ZDHHC14: variants seen among roughly 807,000 people sequenced by gnomAD.
The protein encoded by ZDHHC14 is palmitoyltransferase ZDHHC14.
Under a neutral mutation model 47.7 loss-of-function variants are expected in ZDHHC14, and 16 were observed. That is an observed-to-expected ratio of 0.34 (90% CI 0.23 to 0.51). The LOEUF is 0.51. Among genes scored for constraint, ZDHHC14 ranks in the 20% least tolerant of loss-of-function variants. ZDHHC14 has a pLI of 0.97. For missense variants in ZDHHC14, 515 were observed against 662.5 expected (o/e 0.78, Z 2.44); for synonymous variants, 293 against 278.9 (o/e 1.05, Z -0.50).
intron 5 of ZDHHC14, among the ~76,000 whole-genome samples, chr6:157,640,873 C>T (rs1156249943): frequency 6.6e-6 from 1 of 152,250 alleles, no homozygotes; most frequent in Non-Finnish European, 1.5e-5. Flanking sequence ...TTTCTCTTGA[C>T]CCTTCCTCCG....
chr6:157,398,607 T>C (rs1777570388), intron 1 of ZDHHC14, among the ~76,000 whole-genome samples: 1 of 152,178 alleles, frequency 6.6e-6, no homozygotes, highest in Non-Finnish European at 1.5e-5. Flanking sequence ...CAAGATAGAA[T>C]AATGGGAGTA....
rs71027335 is a variant in ZDHHC14 at position 157,416,972 on chromosome 6, GTTTTTTTTTTTTT to G, written c.245+34723_245+34735del. Among the ~76,000 whole-genome samples the G allele has an allele frequency of 2.0e-4, 9 of 45,558 alleles. No homozygotes were observed. In the East Asian group the frequency reaches 3.5e-3, roughly 18 times the overall value. The allele number at this position is 45,558 out of a possible 152,430, so 29.9% of individuals were successfully genotyped here. Reference sequence around the variant, plus strand: ...AGGTGCCCGCCACCATGCCTGGCTAGTTTTTTTTTTTTTTTTTTTTTTTTTTTTTGTATTTTTA... The same window carrying G: ...AGGTGCCCGCCACCATGCCTGGCTAGTTTTTTTTTTTTTTTTGTATTTTTA... On this transcript the variant is annotated intron_variant, in intron 1 of 8. Transcript: ENST00000359775.
rs946535585 is a variant in ZDHHC14, at chr6:157,677,458, A to C, written c.*4336A>C. On this transcript the variant is annotated 3_prime_UTR_variant, in exon 9 of 9. Transcript: ENST00000359775. ...TAATAGAGCCAAGATGGATTTTCAC[A>C]TGTAAGGTGTTAGTCCATTAATCCA... 2.6e-5 allele frequency: 4 copies of C among 152,228 alleles called. No homozygotes were observed. Among genetic ancestry groups the C allele is most frequent in the Admixed American group, 6.5e-5 (1 of 15,294 alleles). 9.4% of individuals were successfully genotyped at this position (152,228 alleles called of 1,614,324 possible).
rs991728800 is a variant in ZDHHC14, at chr6:157,502,062, C to T, written c.246-40523C>T. 6.6e-6 allele frequency among the ~76,000 whole-genome samples: 1 copy of T among 152,116 alleles called. No homozygotes were observed. The highest frequency in any genetic ancestry group is 2.1e-4 in the South Asian group (1 of 4,826). On this transcript the variant is annotated intron_variant, in intron 1 of 8. Transcript: ENST00000359775. The surrounding 1 kb of genome is among the most constrained non-coding windows in gnomAD (Gnocchi z 4.0). ...CTTATGATGTATTCTCATAATCCACCCAACAGTCTTGAAGTGTTCTTCTTG... is the reference window on the plus strand; with the variant it reads ...CTTATGATGTATTCTCATAATCCACTCAACAGTCTTGAAGTGTTCTTCTTG...
chr6:157,477,932 T>A (rs569187580), intron 1 of ZDHHC14, among the ~76,000 whole-genome samples: 180 of 152,344 alleles, frequency 1.2e-3, no homozygotes, highest in Non-Finnish European at 2.1e-3. Flanking sequence ...AACTTTCTTT[T>A]GACATAGGTA....
chr6:157,666,257 A>G (rs1778551722), intron 8 of ZDHHC14, among the ~76,000 whole-genome samples: 1 of 152,194 alleles, frequency 6.6e-6, no homozygotes, highest in African/African-American at 2.4e-5. Flanking sequence ...AATTGCTACA[A>G]TTTTGTTTTT....
intron 5 of ZDHHC14, among the ~76,000 whole-genome samples, chr6:157,642,023 AAGATAGATAGAT>A (rs77223982): frequency 1.4e-3 from 208 of 146,728 alleles, no homozygotes; most frequent in African/African-American, 2.9e-3. Context: ...GTATATTTTG[AAGATAGATAGAT>A]AGATAGATAG....
At chr6:157,450,625 G>T (rs933237221) in intron 1 of ZDHHC14, among the ~76,000 whole-genome samples, 19 of 151,886 alleles carry the variant, frequency 1.3e-4, no homozygotes, top group African/African-American at 4.6e-4. Flanking sequence ...CCCGTAAATG[G>T]ATCAACCATT....
intron 3 of ZDHHC14, among the ~76,000 whole-genome samples, chr6:157,617,785 G>A: frequency 6.6e-6 from 1 of 152,176 alleles, no homozygotes; most frequent in East Asian, 1.9e-4. Context: ...AAAAGGCGGT[G>A]GGCAGACATC....
chr6:157,389,118 T>C lies in ZDHHC14; in HGVS notation c.245+6852T>C, dbSNP rs572662481. Among the ~76,000 whole-genome samples the C allele has an allele frequency of 2.7e-4, 41 of 151,642 alleles. No individual in the cohort carries two copies. In the South Asian group the frequency reaches 7.1e-3, roughly 26 times the overall value. On this transcript the variant is annotated intron_variant, in intron 1 of 8. Transcript: ENST00000359775. ...ATAAGATAGCATCATAGCATAGTAC[T>C]TAAAGCAGTCTATTCATGAATCCAT...
chr6:157,668,570 C>T (rs978511214), intron 8 of ZDHHC14, among the ~76,000 whole-genome samples: 6 of 150,456 alleles, frequency 4.0e-5, no homozygotes, highest in East Asian at 3.9e-4. Context: ...CATGGTGGTG[C>T]GTGCCTGTAG....
chr6:157,652,910 A>G (rs536524953), intron 7 of ZDHHC14, among the ~76,000 whole-genome samples: 200 of 152,182 alleles, frequency 1.3e-3, no homozygotes, highest in African/African-American at 4.5e-3. Flanking sequence ...AGAATCAGAG[A>G]AGGGGAGAGA....
chr6:157,486,225 C>T (rs567662193), intron 1 of ZDHHC14, among the ~76,000 whole-genome samples: 7 of 152,192 alleles, frequency 4.6e-5, no homozygotes, highest in African/African-American at 9.6e-5. Flanking sequence ...GTAAGGGAGT[C>T]GGCCTGCTGG....
At chr6:157,568,783 A>T (rs1458539792) in intron 2 of ZDHHC14, among the ~76,000 whole-genome samples, 1 of 152,210 alleles carries the variant, frequency 6.6e-6, no homozygotes, top group Non-Finnish European at 1.5e-5. Flanking sequence ...TGTTCTCAAC[A>T]ATACCAAATA....
At chr6:157,429,731 A>T (rs576661624) in intron 1 of ZDHHC14, among the ~76,000 whole-genome samples, 6 of 152,226 alleles carry the variant, frequency 3.9e-5, no homozygotes, top group African/African-American at 1.4e-4. Flanking sequence ...ATCATATTTC[A>T]TCTCTCAATA....
intron 1 of ZDHHC14, among the ~76,000 whole-genome samples, chr6:157,523,808 G>C (rs1310496630): frequency 6.6e-6 from 1 of 152,126 alleles, no homozygotes. Flanking sequence ...GGCTGAGGTG[G>C]GAGGATTGCT....
At position 157,673,034 on chromosome 6, in the gene ZDHHC14, G is replaced by A; in HGVS notation, c.1379G>A (p.Ser460Asn). The A allele has an allele frequency of 6.4e-7, 1 of 1,565,154 alleles. No homozygotes were observed. The highest frequency in any genetic ancestry group is 8.6e-7 in the Non-Finnish European group (1 of 1,162,206). ...GCGGCGGGCAGCCCCCTGGCGCACA[G>A]CCGCACCATGCACGTGCTGGGCCTG... ...LLAAGSPLAH[S>N]RTMHVLGLAS... Residue 460 changes from serine (S) to asparagine (N), a missense_variant, in exon 9 of 9, where the codon AGC (serine) becomes AAC (asparagine). By Grantham distance (46) the Ser-to-Asn change is conservative. Transcript: ENST00000359775. This position sits in a 1 kb window ranked among gnomAD's most constrained non-coding sequence, Gnocchi z 5.4.
chr6:157,598,984 A>G (rs927307845), intron 3 of ZDHHC14, among the ~76,000 whole-genome samples: 1 of 152,246 alleles, frequency 6.6e-6, no homozygotes, highest in African/African-American at 2.4e-5. Flanking sequence ...AATGCTTTTA[A>G]AAAAAACTTT....
chr6:157,564,595 A>G (rs1782831457), intron 2 of ZDHHC14, among the ~76,000 whole-genome samples: 1 of 152,216 alleles, frequency 6.6e-6, no homozygotes, highest in Admixed American at 6.5e-5. Context: ...GATAAATGAA[A>G]TAAGTTTTGT....
Sources: gnomAD v4.1 joint callset for allele counts (sites outside exome capture counted in the v4.1 genomes callset) on GRCh38, gnomAD v4.1.1 for gene constraint, Gnocchi (gnomAD v3.1) non-coding constraint, MANE v1.5 for transcripts, NCBI Gene and HGNC (gene_info 2026-07-23, HGNC 2026-07-21) for gene names.